Variants in SPATA31H1 observed in about 807,000 individuals in gnomAD.
SPATA31H1 encodes the protein SPATA31 subfamily H member 1, also known as spermatogenesis-associated protein 31H1.
chr2:27,564,798 A>G, the SPATA31H1 span, among the ~76,000 whole-genome samples: 2 of 152,032 alleles, frequency 1.3e-5, no homozygotes, highest in Non-Finnish European at 2.9e-5. Context: ...GTGAGACTCC[A>G]TCTCAAAAAA....
chr2:27,560,310 A>G, the SPATA31H1 span, among the ~76,000 whole-genome samples: 1 of 100,824 alleles, frequency 9.9e-6, no homozygotes, highest in African/African-American at 4.1e-5. Context: ...ATGTCTTACA[A>G]TTGATGGTAT....
the SPATA31H1 span, chr2:27,567,369 A>G: frequency 2.0e-6 from 1 of 499,762 alleles, no homozygotes; most frequent in Non-Finnish European, 3.5e-6. Flanking sequence ...GCTGAATTAT[A>G]TAACTGAAGT....
chr2:27,544,224 T>C, the SPATA31H1 span, among the ~76,000 whole-genome samples: 1 of 152,086 alleles, frequency 6.6e-6, no homozygotes, highest in African/African-American at 2.4e-5. Flanking sequence ...TATAATTGAA[T>C]ACCATAAAAT....
the SPATA31H1 span, among the ~76,000 whole-genome samples, chr2:27,539,651 C>G: frequency 6.6e-4 from 68 of 102,750 alleles, no homozygotes; most frequent in East Asian, 1.7e-3. Context: ...CAGACGGGGC[C>G]GTGGCCGGGC....
At chr2:27,578,888 A>G in the SPATA31H1 span, 1 of 1,614,218 alleles carries the variant, frequency 6.2e-7, no homozygotes, top group Non-Finnish European at 8.5e-7. Context: ...ACCCTGGGAC[A>G]GATATTTTGC....
the SPATA31H1 span, chr2:27,565,916 T>A: frequency 1.5e-6 from 1 of 671,804 alleles, no homozygotes; most frequent in East Asian, 2.7e-5. Flanking sequence ...GATCTACCAC[T>A]AATTAGCTTT....
At chr2:27,555,491 G>A in the SPATA31H1 span, among the ~76,000 whole-genome samples, 1 of 151,854 alleles carries the variant, frequency 6.6e-6, no homozygotes, top group Non-Finnish European at 1.5e-5. Flanking sequence ...GGGAAACACA[G>A]TAAGATCCCA....
At chr2:27,547,933 G>C in the SPATA31H1 span, among the ~76,000 whole-genome samples, 1 of 145,928 alleles carries the variant, frequency 6.9e-6, no homozygotes, top group Non-Finnish European at 1.5e-5. Flanking sequence ...TTTAAAAATA[G>C]TTAAACACAA....
the SPATA31H1 span, chr2:27,579,064 T>G: frequency 6.2e-7 from 1 of 1,614,016 alleles, no homozygotes; most frequent in Non-Finnish European, 8.5e-7. Context: ...AGGAAGCAAA[T>G]GGAGGAGCTA....
chr2:27,577,372 C>T, the SPATA31H1 span: 77 of 1,613,870 alleles, frequency 4.8e-5, no homozygotes, highest in East Asian at 3.1e-4. The surrounding 1 kb of genome is among the most constrained non-coding windows in gnomAD (Gnocchi z 4.5). Flanking sequence ...GGGATTACTC[C>T]GGAACTCAAG....
At chr2:27,581,215 G>A in the SPATA31H1 span, 8 of 1,614,076 alleles carry the variant, frequency 5.0e-6, no homozygotes, top group African/African-American at 1.3e-5. Context: ...TATAGGGAGA[G>A]AACCCCACGC....
chr2:27,547,559 A>G, the SPATA31H1 span, among the ~76,000 whole-genome samples: 2 of 151,988 alleles, frequency 1.3e-5, no homozygotes. Flanking sequence ...GTTAATTGTC[A>G]CACAAAACAT....
chr2:27,564,280 C>T, the SPATA31H1 span, among the ~76,000 whole-genome samples: 1 of 152,140 alleles, frequency 6.6e-6, no homozygotes, highest in Non-Finnish European at 1.5e-5. Context: ...TTCCAGTAAA[C>T]ATGTAGCACT....
the SPATA31H1 span, among the ~76,000 whole-genome samples, chr2:27,553,602 G>T: frequency 1.3e-5 from 2 of 151,996 alleles, no homozygotes; most frequent in Admixed American, 1.3e-4. Flanking sequence ...GAGAACCAAG[G>T]CACTTCTTCA....
At chr2:27,541,972 C>T in the SPATA31H1 span, among the ~76,000 whole-genome samples, 3 of 151,928 alleles carry the variant, frequency 2.0e-5, no homozygotes, top group African/African-American at 7.3e-5. Flanking sequence ...GAGGGTATCG[C>T]CATGGTGCCC....
At chr2:27,579,403 A>G in the SPATA31H1 span, 2 of 1,614,214 alleles carry the variant, frequency 1.2e-6, no homozygotes, top group Non-Finnish European at 1.7e-6. Context: ...AGCCTGCCAG[A>G]GAAGGGTCCA....
the SPATA31H1 span, chr2:27,578,264 A>C: frequency 6.2e-7 from 1 of 1,614,176 alleles, no homozygotes. Flanking sequence ...AAGATGTGAA[A>C]TCTACAAAAT....
At chr2:27,568,914 A>AC in the SPATA31H1 span, 5 of 398,916 alleles carry the variant, frequency 1.3e-5, no homozygotes, top group Non-Finnish European at 1.8e-5. Context: ...TGAAAGATTG[A>AC]CCCCATGGCA....
chr2:27,565,403 T>A, the SPATA31H1 span: 1 of 717,400 alleles, frequency 1.4e-6, no homozygotes, highest in South Asian at 1.5e-5. Flanking sequence ...TATCCTTTAC[T>A]CTTCAGCTCA....
Sources: gnomAD v4.1 joint callset for allele counts (sites outside exome capture counted in the v4.1 genomes callset) on GRCh38, gnomAD v4.1.1 for gene constraint, Gnocchi (gnomAD v3.1) non-coding constraint, MANE v1.5 for transcripts, NCBI Gene and HGNC (gene_info 2026-07-23, HGNC 2026-07-21) for gene names.